The following RDH13 variants were observed in gnomAD, a reference collection of about 807,000 sequenced individuals.
RDH13 encodes retinol dehydrogenase 13.
Under a neutral mutation model 28.3 loss-of-function variants are expected in RDH13, and 35 were observed. The observed-to-expected ratio is 1.24, with a 90% confidence interval of 0.95 to 1.64. The LOEUF (loss-of-function observed/expected upper bound fraction) is 1.64, where lower values mean the gene tolerates loss of function less well. Ranked by LOEUF, RDH13 falls within the 40% of genes most tolerant of loss-of-function variation. The pLI is 0.00. For synonymous variants in RDH13, 229 were observed against 198.5 expected (o/e 1.15, Z -1.29); for missense variants, 514 against 446.3 (o/e 1.15, Z -1.37).
rs779826170 is a variant in RDH13, at chr19:55,056,693, G to A, written c.300C>T (p.Ser100=). ...CTGCAAACTCTCGGATAGACTTGAG[G>A]GAAGCCAAGTCCAGGTGCCGGGCGT... is the stretch of plus-strand genomic sequence containing the variant. ...HVNARHLDLA[S]LKSIREFAAK... The change falls in exon 3 of 7, where the codon TCC becomes TCT. Residue 100 remains serine (S), a synonymous_variant. Coordinates refer to ENST00000415061, the MANE Select transcript of RDH13 (RefSeq NM_001145971.2). 11 of 1,613,860 alleles carry A rather than the reference G, an allele frequency of 6.8e-6. No homozygotes were observed. The East Asian group carries it at 2.5e-4, about 36-fold the overall frequency.
chr19:55,051,719 CG>C (rs1236918422), intron 3 of RDH13, among the ~76,000 whole-genome samples: 2 of 150,650 alleles, frequency 1.3e-5, no homozygotes, highest in Non-Finnish European at 3.0e-5. Context: ...TGAGCCACCG[CG>C]CCCAGCCTGT....
intron 2 of RDH13, among the ~76,000 whole-genome samples, chr19:55,058,543 ATTCC>A (rs1405920652): frequency 2.0e-5 from 3 of 152,074 alleles, no homozygotes; most frequent in Non-Finnish European, 4.4e-5. Context: ...GGCAAGCACC[ATTCC>A]AACTTCTCTA....
chr19:55,069,516 C>G (rs1484318699), exon 1 of RDH13: 1 of 152,340 alleles, frequency 6.6e-6, no homozygotes, highest in East Asian at 1.9e-4. Context: ...GTCACTGCTG[C>G]TGTCACCATC....
chr19:55,059,589 G>C lies in RDH13; in HGVS notation c.66-314C>G, dbSNP rs370651447. Among the ~76,000 whole-genome samples, 23 of 148,820 alleles carry C rather than the reference G, an allele frequency of 1.5e-4. 1 individual carries two copies. The East Asian group carries it at 4.5e-3, about 29-fold the overall frequency. On this transcript the variant is annotated intron_variant, in intron 1 of 6. Transcript: ENST00000415061. ...TGGGAGGCCAAAGTTTTGGGGGTGG[G>C]GGGGGGCGGGGGCGGATCACTTGAG...
chr19:55,056,817 C>T lies in RDH13; in HGVS notation c.185-9G>A, dbSNP rs1415387467. Reference sequence around the variant, plus strand: ...CAGGATGATGTTGCCTCCTGAAAACCCAGGATGGAAAAAGATTTAAATTAA... The same window carrying T: ...CAGGATGATGTTGCCTCCTGAAAACTCAGGATGGAAAAAGATTTAAATTAA... On this transcript the variant is annotated splice_polypyrimidine_tract_variant and intron_variant, in intron 2 of 6. Coordinates refer to ENST00000415061, the MANE Select transcript of RDH13 (RefSeq NM_001145971.2). 3 of 1,611,348 alleles carry T rather than the reference C, an allele frequency of 1.9e-6. No individual in the cohort carries two copies. The highest frequency in any genetic ancestry group is 2.5e-6 in the Non-Finnish European group (3 of 1,178,304).
intron 6 of RDH13, chr19:55,046,978 T>C (rs2075255976): frequency 7.1e-6 from 2 of 281,126 alleles, no homozygotes; most frequent in Non-Finnish European, 1.2e-5. Flanking sequence ...AGGTCTCGTA[T>C]AACCCCCCCA....
downstream of RDH13, chr19:55,042,960 A>G (rs933824883): frequency 2.5e-4 from 38 of 152,274 alleles, no homozygotes; most frequent in African/African-American, 8.7e-4. Flanking sequence ...ACCTACTGTC[A>G]CTTCTGCCCT....
At chr19:55,040,847 C>G (rs971534550), downstream of RDH13, 2 of 152,216 alleles carry the variant, frequency 1.3e-5, no homozygotes, top group African/African-American at 4.8e-5. Context: ...ATAAACCCGG[C>G]TGGGCGTGGT....
In RDH13 at chr19:55,068,190, A is replaced by G. The variant is rs1312890275; in HGVS notation, c.-266+1132T>C. Among the ~76,000 whole-genome samples, 10 of 148,342 alleles carry G rather than the reference A, an allele frequency of 6.7e-5. No homozygotes were observed. The East Asian group carries it at 2.0e-3, about 29-fold the overall frequency. On this transcript the variant is annotated intron_variant, in intron 1 of 7. Coordinates refer to the RDH13 transcript ENST00000396247. ...TCCTTTGTCTCTCTCTCTCCCCCCA[A>G]CTCTCTCTCCCTACACACATCTTGA...
At chr19:55,047,971 C>T in intron 5 of RDH13, 1 of 1,143,428 alleles carries the variant, frequency 8.7e-7, no homozygotes, top group Non-Finnish European at 1.2e-6. Flanking sequence ...GCAATCTCTC[C>T]CCAAGCCAGC....
chr19:55,059,422 C>A, intron 1 of RDH13, 147 bp from the exon 2 acceptor site: 1 of 610,576 alleles, frequency 1.6e-6, no homozygotes, highest in Non-Finnish European at 2.9e-6. Context: ...CAAGGGACCT[C>A]TGTCATGTTC....
At chr19:55,049,703 C>T (rs139915676) in intron 3 of RDH13, among the ~76,000 whole-genome samples, 3,546 of 151,544 alleles carry the variant, frequency 0.023, 56 homozygotes, top group Non-Finnish European at 0.033. Context: ...GCGGGAAAAT[C>T]GCTTGAAACC....
At chr19:55,048,143 C>T (rs1207865190) in intron 5 of RDH13, 186 bp downstream of exon 5, 2 of 1,533,772 alleles carry the variant, frequency 1.3e-6, no homozygotes, top group African/African-American at 2.7e-5. Context: ...AGACAATCCT[C>T]AGAAGAACGA....
At chr19:55,049,376 C>T (rs1328718288) in intron 3 of RDH13, among the ~76,000 whole-genome samples, 1 of 152,198 alleles carries the variant, frequency 6.6e-6, no homozygotes, top group Non-Finnish European at 1.5e-5. Context: ...AAAGGACACA[C>T]AGATGGAGAC....
chr19:55,045,365 G>A, intron 6 of RDH13, 56 bp from the exon 7 acceptor site: 2 of 1,418,300 alleles, frequency 1.4e-6, no homozygotes, highest in Non-Finnish European at 1.9e-6. Context: ...AAGGAAGGAA[G>A]CCCCGCTCCC....
intron 3 of RDH13, among the ~76,000 whole-genome samples, chr19:55,052,858 T>C (rs1424627564): frequency 6.6e-6 from 1 of 151,844 alleles, no homozygotes; most frequent in Non-Finnish European, 1.5e-5. Context: ...GACACGGGGT[T>C]TCACCGTGTT....
Position 55,048,891 on chromosome 19 carries a change from G to A in RDH13, c.341-128C>T, listed in dbSNP as rs1023975173. On this transcript the variant is annotated intron_variant, in intron 3 of 6. Coordinates refer to ENST00000415061, the MANE Select transcript of RDH13 (RefSeq NM_001145971.2). ...CTGTGCCGGAAACAGGGTCTGTGCC[G>A]AAGTGGCCATGTCAGGATGCGGTCA... The A allele has an allele frequency of 8.5e-5, 69 of 809,400 alleles. 1 individual carries two copies. The highest frequency in any genetic ancestry group is 5.8e-4 in the South Asian group (36 of 62,362). The allele number at this position is 809,400 out of a possible 1,614,324, so 50.1% of individuals were successfully genotyped here.
rs547681726 is a variant in RDH13 at position 55,059,178 on chromosome 19, C to T, written c.163G>A (p.Ala55Thr). The T allele has an allele frequency of 5.6e-5, 90 of 1,597,096 alleles. No individual in the cohort carries two copies. The African/African-American group carries it at 7.5e-4, about 13-fold the overall frequency. Residue 55 changes from alanine to threonine, a missense_variant, in exon 2 of 7, where the codon GCC (alanine) becomes ACC (threonine). By Grantham distance (58) the Ala-to-Thr change is moderately conservative. Transcript: ENST00000415061. The stretch of plus-strand genomic sequence containing the variant: ...TTACCTCTCCTGGCCAGTTCCAAGG[C>T]GGTCTGCTTCCCGATGCCTGTGTTG... ...GANTGIGKQTALELARRGGNI... is the reference protein window; with the variant it reads ...GANTGIGKQTTLELARRGGNI...
At chr19:55,056,081 G>A (rs1176026485) in intron 3 of RDH13, among the ~76,000 whole-genome samples, 3 of 151,568 alleles carry the variant, frequency 2.0e-5, no homozygotes, top group Non-Finnish European at 4.4e-5. Context: ...TTGAAATCGG[G>A]AGACGGAGGT....
Sources: gnomAD v4.1 joint callset for allele counts (sites outside exome capture counted in the v4.1 genomes callset) on GRCh38, gnomAD v4.1.1 for gene constraint, MANE v1.5 for transcripts, NCBI Gene and HGNC (gene_info 2026-07-23, HGNC 2026-07-21) for gene names.